The following OSBPL2 variants were observed in gnomAD, a reference collection of about 807,000 sequenced individuals.
The protein encoded by OSBPL2 is oxysterol-binding protein-related protein 2.
OSBPL2 carries 18 observed loss-of-function variants against 58.4 expected under a neutral mutation model. The observed-to-expected ratio is 0.31, with a 90% CI of 0.21 to 0.46. OSBPL2 has a LOEUF of 0.46. OSBPL2 is among the 20% of genes least tolerant of loss of function. The pLI, the probability that OSBPL2 is intolerant of heterozygous loss-of-function variation, is 1.00. For missense variants in OSBPL2, 461 were observed against 616.5 expected, an observed-to-expected ratio of 0.75 and a Z score of 2.67; for synonymous variants, 221 against 234.1, an observed-to-expected ratio of 0.94 and a Z score of 0.51.
intron 5 of OSBPL2, among the ~76,000 whole-genome samples, chr20:62,272,895 C>CT (rs941404835): frequency 7.9e-5 from 12 of 152,164 alleles, no homozygotes; most frequent in African/African-American, 2.9e-4. Context: ...GACCCTGTGT[C>CT]TAAAAAATAA....
intron 2 of OSBPL2, among the ~76,000 whole-genome samples, chr20:62,257,601 A>G (rs1981010733): frequency 1.3e-5 from 2 of 151,968 alleles, no homozygotes; most frequent in Admixed American, 6.6e-5. Context: ...GTGGGATGCC[A>G]CGTCTGTCAC....
At position 62,283,966 on chromosome 20, in the gene OSBPL2, T is replaced by C. The variant is rs964136361; in HGVS notation, c.873-80T>C. The C allele has an allele frequency of 2.1e-6, 3 of 1,398,252 alleles. No homozygotes were observed. The African/African-American group carries it at 4.3e-5, about 20-fold the overall frequency. 86.6% of individuals were successfully genotyped at this position (1,398,252 alleles called of 1,614,324 possible). On this transcript the variant is annotated intron_variant, in intron 9 of 13. Coordinates refer to ENST00000313733, the MANE Select transcript of OSBPL2 (RefSeq NM_144498.4). ...CATAAGAAAACATACCTGAGGGGAA[T>C]TTATTCCAGGGTGCCACATGTTTAG...
intron 1 of OSBPL2, among the ~76,000 whole-genome samples, chr20:62,252,244 C>T (rs1470263574): frequency 6.6e-6 from 1 of 152,000 alleles, no homozygotes; most frequent in Non-Finnish European, 1.5e-5. Flanking sequence ...ATCAATTGCA[C>T]ACATGTAACA....
At chr20:62,246,723 C>T (rs1980142573) in intron 1 of OSBPL2, among the ~76,000 whole-genome samples, 1 of 152,298 alleles carries the variant, frequency 6.6e-6, no homozygotes, top group East Asian at 1.9e-4. Context: ...CCCTGCCCCT[C>T]CCCCTCAGTG....
rs561151996 is a variant in OSBPL2, at chr20:62,269,658, G to A, written c.259-2467G>A. 1.4e-4 allele frequency among the ~76,000 whole-genome samples: 21 copies of A among 152,362 alleles called. 1 individual carries two copies. The South Asian group carries it at 4.1e-3, about 30-fold the overall frequency. ...CTAGTTTACCAGGCGTTTAGAGCAC[G>A]GGAGGCTGTTGATCCTGGTCTGGAA... On this transcript the variant is annotated intron_variant, in intron 4 of 13. Coordinates refer to ENST00000313733, the MANE Select transcript of OSBPL2 (RefSeq NM_144498.4). This position sits in a 1 kb window ranked among gnomAD's most constrained non-coding sequence, Gnocchi z 4.2.
At chr20:62,250,485 C>T (rs564151469) in intron 1 of OSBPL2, among the ~76,000 whole-genome samples, 1 of 152,340 alleles carries the variant, frequency 6.6e-6, no homozygotes, top group East Asian at 1.9e-4. Flanking sequence ...CACAAACACA[C>T]AGTAGCAGGC....
intron 3 of OSBPL2, among the ~76,000 whole-genome samples, chr20:62,261,594 T>C (rs556238320): frequency 1.1e-4 from 17 of 152,100 alleles, no homozygotes; most frequent in Non-Finnish European, 2.5e-4. Flanking sequence ...CCCCCGCTCC[T>C]GCATTCCCCG....
chr20:62,260,003 T>C lies in OSBPL2; in HGVS notation c.60T>C (p.Ser20=). Residue 20 remains serine (S), a synonymous_variant, in exon 3 of 14, where the codon TCT becomes TCC. Coordinates refer to ENST00000313733, the MANE Select transcript of OSBPL2 (RefSeq NM_144498.4). ...AVTGFDSDNS[S]GEFSEANQKV... is the part of the protein sequence containing the mutation. ...CAGGCTTTGATTCTGATAACTCTTCTGGGGAATTTTCAGAGGCAAATCAGA... is the reference window on the plus strand; with the variant it reads ...CAGGCTTTGATTCTGATAACTCTTCCGGGGAATTTTCAGAGGCAAATCAGA... 6.2e-7 allele frequency: 1 copy of C among 1,614,016 alleles called. No individual in the cohort carries two copies. The highest frequency in any genetic ancestry group is 8.5e-7 in the Non-Finnish European group (1 of 1,179,934).
Position 62,288,122 on chromosome 20 carries a change from G to A in OSBPL2, c.1126-1085G>A, listed in dbSNP as rs1983250849. On this transcript the variant is annotated intron_variant, in intron 11 of 13. Transcript: ENST00000313733. The surrounding 1 kb of genome is among the most constrained non-coding windows in gnomAD (Gnocchi z 4.8). ...GTAGACTAGTGTGTGAGGGCCCAGG[G>A]GGCCATGGGGATGAGGGTGGAGGGG... Among the ~76,000 whole-genome samples the A allele has an allele frequency of 6.6e-6, 1 of 152,216 alleles. No homozygotes were observed. Among genetic ancestry groups the A allele is most frequent in the African/African-American group, 2.4e-5 (1 of 41,448 alleles).
chr20:62,286,562 C>A, intron 10 of OSBPL2, 21 bp from the exon 11 acceptor site: 1 of 1,605,934 alleles, frequency 6.2e-7, no homozygotes, highest in Non-Finnish European at 8.5e-7. Context: ...GGCAGCCACA[C>A]AGCAGGGTTC....
intron 1 of OSBPL2, among the ~76,000 whole-genome samples, chr20:62,247,032 G>A (rs1449192471): frequency 1.3e-5 from 2 of 152,184 alleles, no homozygotes; most frequent in African/African-American, 4.8e-5. Context: ...GACTGCTCTG[G>A]GGAAGGAGAA....
Position 62,291,788 on chromosome 20 carries a change from G to T in OSBPL2, c.1335G>T (p.Gln445His). ...RERAKEEAEW[Q>H]TRWFYPGNNP... ...GGGCCAAGGAGGAGGCAGAGTGGCA[G>T]ACGAGGTGAGTACTGTGGTAGCCAC... The change falls in exon 13 of 14, where the codon CAG becomes CAT. Residue 445 changes from glutamine (Q) to histidine (H), a missense_variant. Gln to His is a conservative substitution (Grantham distance 24). This residue lies in a region of OSBPL2 where 319 missense variants were observed against 419.2 expected (regional missense o/e 0.76). Transcript: ENST00000313733. The T allele has an allele frequency of 6.2e-7, 1 of 1,606,730 alleles. No individual in the cohort carries two copies. Among genetic ancestry groups the T allele is most frequent in the Non-Finnish European group, 8.5e-7 (1 of 1,177,392 alleles).
intron 2 of OSBPL2, among the ~76,000 whole-genome samples, chr20:62,258,148 G>A (rs1032418690): frequency 6.6e-6 from 1 of 152,196 alleles, no homozygotes; most frequent in Admixed American, 6.5e-5. Context: ...CTCCTGCATG[G>A]CAAGGCCTCT....
chr20:62,280,535 C>A (rs1442845120), intron 7 of OSBPL2, among the ~76,000 whole-genome samples: 4 of 152,266 alleles, frequency 2.6e-5, no homozygotes, highest in Non-Finnish European at 5.9e-5. Flanking sequence ...GTGGCTCCCC[C>A]ACGTAGCACC....
At chr20:62,263,958 G>A (rs1419175334) in intron 4 of OSBPL2, among the ~76,000 whole-genome samples, 1 of 151,772 alleles carries the variant, frequency 6.6e-6, no homozygotes, top group Non-Finnish European at 1.5e-5. Flanking sequence ...CCAGCTACTC[G>A]GGAGGCTGAG....
chr20:62,259,361 G>A (rs1981144344), intron 2 of OSBPL2: 1 of 152,346 alleles, frequency 6.6e-6, no homozygotes, highest in Admixed American at 6.5e-5. Flanking sequence ...TTTGCTCCAG[G>A]AGTGCATGCA....
chr20:62,284,722 C>G (rs935906863), intron 10 of OSBPL2: 1 of 152,634 alleles, frequency 6.6e-6, no homozygotes, highest in Non-Finnish European at 1.5e-5. Flanking sequence ...TGCTATAAAC[C>G]GTGGGCACCA....
At chr20:62,266,850 A>T (rs975685664) in intron 4 of OSBPL2, among the ~76,000 whole-genome samples, 2 of 152,220 alleles carry the variant, frequency 1.3e-5, no homozygotes, top group African/African-American at 4.8e-5. Flanking sequence ...CTATGTTCAA[A>T]TGTCCAGTGG....
chr20:62,262,977 C>T (rs533214977), intron 3 of OSBPL2, among the ~76,000 whole-genome samples: 2 of 152,224 alleles, frequency 1.3e-5, no homozygotes, highest in South Asian at 4.1e-4. Flanking sequence ...TCCATTCAGG[C>T]GCTCCCCTCC....
Sources: gnomAD v4.1 joint callset for allele counts (sites outside exome capture counted in the v4.1 genomes callset) on GRCh38, gnomAD v4.1.1 for gene constraint, gnomAD v4.1.1 regional missense constraint, Gnocchi (gnomAD v3.1) non-coding constraint, MANE v1.5 for transcripts, NCBI Gene and HGNC (gene_info 2026-07-23, HGNC 2026-07-21) for gene names.